Variants in GHRHR observed in about 807,000 individuals in gnomAD.
GHRHR encodes growth hormone-releasing hormone receptor.
A neutral mutation model predicts 58.3 loss-of-function variants in GHRHR; 40 were observed. The observed-to-expected ratio is 0.69, with a 90% CI of 0.53 to 0.89. The LOEUF is 0.89. GHRHR is among the 40% of genes least tolerant of loss of function. The pLI is 0.00. For synonymous variants in GHRHR, 249 were observed against 216.6 expected (o/e 1.15, Z -1.31); for missense variants, 551 against 541.3 (o/e 1.02, Z -0.18).
Position 30,974,435 on chromosome 7 carries a change from C to A in GHRHR, c.758C>A (p.Pro253His). ...CTTCCCTGTACTCCTGTAGGGCTGCCCGTGCTCTTCACTGGCACGTGGGTG... is the reference window on the plus strand; with the variant it reads ...CTTCCCTGTACTCCTGTAGGGCTGCACGTGCTCTTCACTGGCACGTGGGTG... ...WWLVLAGWGL[P>H]VLFTGTWVSC... The change falls in exon 8 of 13, where the codon CCC becomes CAC. Residue 253 changes from proline to histidine, a missense_variant. Coordinates refer to ENST00000326139, the MANE Select transcript of GHRHR (RefSeq NM_000823.4). 6.2e-7 allele frequency: 1 copy of A among 1,610,996 alleles called. No individual in the cohort carries two copies. The highest frequency in any genetic ancestry group is 1.1e-5 in the South Asian group (1 of 91,026).
rs559725645 is a variant in GHRHR, at chr7:30,975,539, C to T, written c.883-238C>T. Among the ~76,000 whole-genome samples, 9 of 152,242 alleles carry T rather than the reference C, an allele frequency of 5.9e-5. No homozygotes were observed. In the South Asian group the frequency reaches 1.5e-3, roughly 25 times the overall value. The stretch of plus-strand genomic sequence containing the variant: ...CTGGAGGCAGGTGGCAAGGCCTGAT[C>T]GCCCCCCTTGATCCCAGGACTTGGT... On this transcript the variant is annotated intron_variant, in intron 9 of 12. Coordinates refer to ENST00000326139, the MANE Select transcript of GHRHR (RefSeq NM_000823.4).
At chr7:30,965,565 C>T (rs886295185) in intron 1 of GHRHR, among the ~76,000 whole-genome samples, 1 of 152,246 alleles carries the variant, frequency 6.6e-6, no homozygotes, top group Non-Finnish European at 1.5e-5. Flanking sequence ...CCTATGCCCA[C>T]ACATCCTGAG....
intron 11 of GHRHR, 48 bp downstream of exon 11, chr7:30,976,606 G>T (rs943594020): frequency 6.3e-7 from 1 of 1,584,872 alleles, no homozygotes; most frequent in Non-Finnish European, 8.6e-7. Flanking sequence ...GGTGCTGGAG[G>T]GAGGTGCTGT....
At chr7:30,964,277 C>A in intron 1 of GHRHR, 152 bp downstream of exon 1, 2 of 735,444 alleles carry the variant, frequency 2.7e-6, no homozygotes, top group African/African-American at 3.5e-5. Flanking sequence ...GCTTGGAGAG[C>A]CCCTGACACT....
chr7:30,979,295 C>T lies in GHRHR; in HGVS notation c.*51C>T, dbSNP rs185262577. 670 of 1,591,310 alleles carry T rather than the reference C, an allele frequency of 4.2e-4. 5 individuals carry two copies. In the African/African-American group the frequency reaches 7.4e-3, roughly 18 times the overall value. On this transcript the variant is annotated 3_prime_UTR_variant, in exon 13 of 13. Coordinates refer to ENST00000326139, the MANE Select transcript of GHRHR (RefSeq NM_000823.4). ...CACACTTGAATTTGGGCAGCTACCA[C>T]GGGTCTGCCATGCTCTGGAGGAGCA...
chr7:30,976,577 ACT>A lies in GHRHR; in HGVS notation c.1104+22_1104+23del. 8 of 1,610,066 alleles carry A rather than the reference ACT, an allele frequency of 5.0e-6. No homozygotes were observed. The highest frequency in any genetic ancestry group is 5.9e-6 in the Non-Finnish European group (7 of 1,177,720). On this transcript the variant is annotated intron_variant, in intron 11 of 12. Coordinates refer to ENST00000326139, the MANE Select transcript of GHRHR (RefSeq NM_000823.4). ...CTTCCAGGTGAGGGCCCCCACAGGC[ACT>A]CTTTCTTTCCATTGAGGGTGCTGGA...
chr7:30,970,349 G>A (rs1173043841), intron 4 of GHRHR, among the ~76,000 whole-genome samples: 1 of 152,158 alleles, frequency 6.6e-6, no homozygotes, highest in Non-Finnish European at 1.5e-5. Context: ...TGGTTGCGAT[G>A]TGGGCAAGTG....
chr7:30,971,889 C>T, intron 5 of GHRHR, 74 bp from the exon 6 acceptor site: 2 of 1,384,998 alleles, frequency 1.4e-6, no homozygotes, highest in Non-Finnish European at 2.1e-6. Flanking sequence ...CTGCCCTGTT[C>T]AGCCCAGTTG....
Position 30,976,540 on chromosome 7 carries a change from G to A in GHRHR, c.1086G>A (p.Leu362=), listed in dbSNP as rs1385658700. 7.4e-6 allele frequency: 12 copies of A among 1,613,480 alleles called. No homozygotes were observed. The Admixed American group carries it at 2.0e-4, about 27-fold the overall frequency. The change falls in exon 11 of 13, where the codon CTG becomes CTA. Residue 362 remains leucine (L), a synonymous_variant. Transcript: ENST00000326139. ...AGLGIRLPLE[L]GLGSFQGFIV... is the part of the protein sequence containing the mutation. ...TGGGCATCCGCCTCCCCCTGGAGCT[G>A]GGACTGGGTTCCTTCCAGGTGAGGG...
chr7:30,979,415 G>C lies in GHRHR; in HGVS notation c.*171G>C. ...CATCTGACTCTCTTTTGAGGTCCCT[G>C]TATGTCTACCTCTGACTTCTGTGGT... is the stretch of plus-strand genomic sequence containing the variant. On this transcript the variant is annotated 3_prime_UTR_variant, in exon 13 of 13. Coordinates refer to ENST00000326139, the MANE Select transcript of GHRHR (RefSeq NM_000823.4). 4.6e-6 allele frequency: 3 copies of C among 656,952 alleles called. No homozygotes were observed. Among genetic ancestry groups the C allele is most frequent in the Non-Finnish European group, 8.2e-6 (3 of 363,864 alleles). 40.7% of individuals were successfully genotyped at this position (656,952 alleles called of 1,614,324 possible). A position where few individuals can be genotyped will look rare whatever the true frequency, so the allele number is the denominator to read the frequency against.
intron 9 of GHRHR, 94 bp from the exon 10 acceptor site, chr7:30,975,683 A>T: frequency 2.6e-6 from 2 of 767,908 alleles, no homozygotes; most frequent in Non-Finnish European, 4.8e-6. Flanking sequence ...AAGGATTTAA[A>T]TTTTCTAGTC....
At chr7:30,964,915 T>C (rs1792310131) in intron 1 of GHRHR, among the ~76,000 whole-genome samples, 1 of 152,104 alleles carries the variant, frequency 6.6e-6, no homozygotes, top group Non-Finnish European at 1.5e-5. Flanking sequence ...GCCTGAAGCA[T>C]TCTTCCTCCG....
chr7:30,975,599 G>GC (rs901538951), intron 9 of GHRHR, among the ~76,000 whole-genome samples, 178 bp from the exon 10 acceptor site: 2 of 151,756 alleles, frequency 1.3e-5, no homozygotes, highest in East Asian at 1.9e-4. Context: ...TGGGACCCCC[G>GC]CCCCCCCATC....
Position 30,971,969 on chromosome 7 carries a change from C to G in GHRHR, c.471C>G (p.Leu157=). 1.2e-6 allele frequency: 2 copies of G among 1,613,986 alleles called. No homozygotes were observed. The highest frequency in any genetic ancestry group is 1.7e-6 in the Non-Finnish European group (2 of 1,179,922). The change falls in exon 6 of 13, where the codon CTC becomes CTG. Residue 157 remains leucine, a synonymous_variant. Transcript: ENST00000326139. ...AITILVALRR[L]HCPRNYVHTQ... ...TTTCTCCCATTACCCCCAGGAGGCT[C>G]CACTGCCCCCGGAACTACGTCCACA...
intron 6 of GHRHR, among the ~76,000 whole-genome samples, chr7:30,973,636 G>T (rs1264842334): frequency 6.6e-6 from 1 of 152,160 alleles, no homozygotes; most frequent in Non-Finnish European, 1.5e-5. Context: ...GGAAGGATGG[G>T]GGTAAGTGAA....
At chr7:30,968,777 C>A in intron 1 of GHRHR, 57 bp from the exon 2 acceptor site, 1 of 1,178,052 alleles carries the variant, frequency 8.5e-7, no homozygotes, top group Non-Finnish European at 1.3e-6. Context: ...ATGTGGACCA[C>A]AGAGCCCAGA....
In GHRHR at chr7:30,964,085, G is replaced by C. The variant is rs1245518742; in HGVS notation, c.17G>C (p.Trp6Ser). 2.6e-6 allele frequency: 4 copies of C among 1,550,186 alleles called. No homozygotes were observed. The highest frequency in any genetic ancestry group is 1.4e-5 in the African/African-American group (1 of 73,166). ...GGGCTCACCATGGACCGCCGGATGT[G>C]GGGGGCCCACGTCTTCTGCGTGTTG... Reference protein sequence around the residue: MDRRMWGAHVFCVLSP... With the variant: MDRRMSGAHVFCVLSP... Residue 6 changes from tryptophan to serine, a missense_variant, in exon 1 of 13, where the codon TGG becomes TCG. Physicochemically the swap from Trp to Ser is radical, Grantham distance 177. Coordinates refer to ENST00000326139, the MANE Select transcript of GHRHR (RefSeq NM_000823.4).
At chr7:30,972,251 T>C (rs1190721360) in intron 6 of GHRHR, 156 bp downstream of exon 6, 1 of 732,596 alleles carries the variant, frequency 1.4e-6, no homozygotes, top group Non-Finnish European at 2.3e-6. Context: ...CTTTCCCATG[T>C]CACCCCCTAA....
intron 10 of GHRHR, 25 bp from the exon 11 acceptor site, chr7:30,976,404 A>G: frequency 6.2e-7 from 1 of 1,610,242 alleles, no homozygotes; most frequent in Non-Finnish European, 8.5e-7. Context: ...CAGTCTTGGG[A>G]GCCTAGGATT....
Sources: gnomAD v4.1 joint callset for allele counts (sites outside exome capture counted in the v4.1 genomes callset) on GRCh38, gnomAD v4.1.1 for gene constraint, MANE v1.5 for transcripts, NCBI Gene and HGNC (gene_info 2026-07-23, HGNC 2026-07-21) for gene names.